TLR3: variants seen among roughly 807,000 people sequenced by gnomAD.
TLR3 encodes toll like receptor 3, also known as toll-like receptor 3.
A neutral mutation model predicts 66.4 loss-of-function variants in TLR3; 43 were observed. That is an observed-to-expected ratio of 0.65 (90% confidence interval 0.51 to 0.83). TLR3 has a LOEUF of 0.83. TLR3 is among the 40% of genes least tolerant of loss of function. TLR3 has a pLI of 0.00. For missense variants in TLR3, 982 were observed against 1,044.6 expected (o/e 0.94, Z 0.83); for synonymous variants, 397 against 397.2 (o/e 1.00, Z 0.01).
chr4:186,076,803 C>G lies in TLR3; in HGVS notation c.184C>G (p.Gln62Glu). ...NITVLNLTHN[Q>E]LRRLPAANFT... The stretch of plus-strand genomic sequence containing the variant: ...AACAGTGTTGAACCTTACCCATAAT[C>G]AACTCAGAAGATTACCAGCCGCCAA... The change falls in exon 2 of 5, where the codon CAA becomes GAA. Residue 62 changes from glutamine to glutamate, a missense_variant. Gln to Glu is a conservative substitution (Grantham distance 29). Coordinates refer to ENST00000296795, the MANE Select transcript of TLR3 (RefSeq NM_003265.3). The G allele has an allele frequency of 6.2e-7, 1 of 1,614,170 alleles. No homozygotes were observed. Among genetic ancestry groups the G allele is most frequent in the Non-Finnish European group, 8.5e-7 (1 of 1,180,042 alleles).
Position 186,086,595 on chromosome 4 carries a change from AT to A in TLR3, c.*1726del, listed in dbSNP as rs2099304405. The stretch of plus-strand genomic sequence containing the variant: ...TTTGCTTTTTAACTGTGCAATAATC[AT>A]TTTATTTTGGCATTATAAAATAAAA... On this transcript the variant is annotated 3_prime_UTR_variant, in exon 5 of 5. Coordinates refer to ENST00000296795, the MANE Select transcript of TLR3 (RefSeq NM_003265.3). 1 of 152,222 alleles carries A rather than the reference AT, an allele frequency of 6.6e-6. No individual in the cohort carries two copies. Among genetic ancestry groups the A allele is most frequent in the Non-Finnish European group, 1.5e-5 (1 of 68,036 alleles). 9.4% of individuals were successfully genotyped at this position (152,222 alleles called of 1,614,324 possible). A position where few individuals can be genotyped will look rare whatever the true frequency, so the allele number is the denominator to read the frequency against.
At position 186,076,852 on chromosome 4, in the gene TLR3, C is replaced by A. The variant is rs892938654; in HGVS notation, c.233C>A (p.Thr78Asn). 6.2e-7 allele frequency: 1 copy of A among 1,614,188 alleles called. No individual in the cohort carries two copies. The change falls in exon 2 of 5, where the codon ACT (threonine) becomes AAT (asparagine). Residue 78 changes from threonine to asparagine, a missense_variant. Thr to Asn is a moderately conservative substitution (Grantham distance 65, BLOSUM62 0). Transcript: ENST00000296795. ...AANFTRYSQLTSLDVGFNTIS... is the reference protein window; with the variant it reads ...AANFTRYSQLNSLDVGFNTIS... ...AACTTCACAAGGTATAGCCAGCTAA[C>A]TAGCTTGGATGTAGGATTTAACACC...
intron 3 of TLR3, among the ~76,000 whole-genome samples, chr4:186,081,030 A>G (rs1156366940): frequency 6.6e-6 from 1 of 152,222 alleles, no homozygotes; most frequent in Non-Finnish European, 1.5e-5. Context: ...GAAATTAAGT[A>G]TGATAAATCT....
intron 2 of TLR3, among the ~76,000 whole-genome samples, chr4:186,077,870 G>A (rs1234653757): frequency 1.3e-5 from 2 of 151,744 alleles, no homozygotes; most frequent in Non-Finnish European, 2.9e-5. Flanking sequence ...TAAATCTGAG[G>A]CAATTATTAA....
In TLR3 at chr4:186,087,355, C is replaced by T. The variant is rs749631927; in HGVS notation, c.*2482C>T. 2.0e-4 allele frequency: 31 copies of T among 152,166 alleles called. No homozygotes were observed. Among genetic ancestry groups the T allele is most frequent in the Admixed American group, 6.5e-4 (10 of 15,270 alleles). The allele number at this position is 152,166 out of a possible 1,614,324, so 9.4% of individuals were successfully genotyped here. Reference sequence around the variant, plus strand: ...TCTGACCTAGGTAGGAAGTAACATCCAGAACTTCTGCAGGCTGTCCTGTGT... The same window carrying T: ...TCTGACCTAGGTAGGAAGTAACATCTAGAACTTCTGCAGGCTGTCCTGTGT... On this transcript the variant is annotated 3_prime_UTR_variant, in exon 5 of 5. Transcript: ENST00000296795.
chr4:186,073,051 A>G (rs967941574), intron 1 of TLR3, among the ~76,000 whole-genome samples: 1 of 152,222 alleles, frequency 6.6e-6, no homozygotes, highest in Non-Finnish European at 1.5e-5. Flanking sequence ...ACTGAACTTC[A>G]AGACTTGTTG....
chr4:186,079,558 C>G (rs1369953682), intron 3 of TLR3, among the ~76,000 whole-genome samples: 1 of 152,124 alleles, frequency 6.6e-6, no homozygotes, highest in South Asian at 2.1e-4. Flanking sequence ...CCGTGTCTGG[C>G]GTAGGCAGTG....
At chr4:186,073,646 A>G (rs1209313178) in intron 1 of TLR3, among the ~76,000 whole-genome samples, 1 of 152,210 alleles carries the variant, frequency 6.6e-6, no homozygotes, top group African/African-American at 2.4e-5. Flanking sequence ...AGCTAACACC[A>G]TAAAGCTTTT....
At chr4:186,081,007 A>C (rs1355828336) in intron 3 of TLR3, among the ~76,000 whole-genome samples, 4 of 152,240 alleles carry the variant, frequency 2.6e-5, no homozygotes, top group Non-Finnish European at 4.4e-5. Flanking sequence ...TAAAATGCAA[A>C]GCAGAAAATT....
Position 186,083,558 on chromosome 4 carries a change from C to A in TLR3, c.1872C>A (p.Ser624=). The A allele has an allele frequency of 6.2e-7, 1 of 1,613,060 alleles. No individual in the cohort carries two copies. Among genetic ancestry groups the A allele is most frequent in the Non-Finnish European group, 8.5e-7 (1 of 1,179,632 alleles). Residue 624 remains serine (S), a synonymous_variant, in exon 4 of 5, where the codon TCC becomes TCA. Coordinates refer to ENST00000296795, the MANE Select transcript of TLR3 (RefSeq NM_003265.3). This position sits in a 1 kb window ranked among gnomAD's most constrained non-coding sequence, Gnocchi z 4.0. ...SLNLQKNLIT[S]VEKKVFGPAF... ...ACCTTCAGAAGAATCTCATAACATC[C>A]GTTGAGAAGAAGGTTTTCGGGCCAG...
chr4:186,071,802 C>T (rs2099301517), intron 1 of TLR3, among the ~76,000 whole-genome samples: 1 of 152,092 alleles, frequency 6.6e-6, no homozygotes, highest in Admixed American at 6.5e-5. Flanking sequence ...GGATTAGTCA[C>T]CTAAGGTGAT....
Position 186,086,267 on chromosome 4 carries a change from T to G in TLR3, c.*1394T>G, listed in dbSNP as rs943950516. ...GAATAGCTTTTTGAAATATTTATAG[T>G]TCTAGTATTTAAAGAGAAACCTGAA... is the stretch of plus-strand genomic sequence containing the variant. On this transcript the variant is annotated 3_prime_UTR_variant, in exon 5 of 5. Transcript: ENST00000296795. 6.6e-6 allele frequency: 1 copy of G among 152,194 alleles called. No homozygotes were observed. The highest frequency in any genetic ancestry group is 2.4e-5 in the African/African-American group (1 of 41,458). The allele number at this position is 152,194 out of a possible 1,614,324, so 9.4% of individuals were successfully genotyped here.
Position 186,084,164 on chromosome 4 carries a change from A to C in TLR3, c.2478A>C (p.Leu826Phe), listed in dbSNP as rs75983629. Residue 826 changes from leucine to phenylalanine, a missense_variant, in exon 4 of 5, where the codon TTA (leucine) becomes TTC (phenylalanine). Around this residue, in one of 3 missense-constraint regions of TLR3, gnomAD observed 666 missense variants for 709.0 expected, o/e 0.94. Transcript: ENST00000296795. ...VITHHLLKDP[L>F]CKRFKVHHAV... ...CACACCATCTATTAAAAGACCCATT[A>C]TGCAAAAGGTAGGTAAACATTGTGA... is the stretch of plus-strand genomic sequence containing the variant. The C allele has an allele frequency of 6.2e-7, 1 of 1,613,808 alleles. No homozygotes were observed. The highest frequency in any genetic ancestry group is 8.5e-7 in the Non-Finnish European group (1 of 1,179,854).
At position 186,083,776 on chromosome 4, in the gene TLR3, A is replaced by C; in HGVS notation, c.2090A>C (p.Lys697Thr). 1 of 1,614,058 alleles carries C rather than the reference A, an allele frequency of 6.2e-7. No homozygotes were observed. Among genetic ancestry groups the C allele is most frequent in the Non-Finnish European group, 8.5e-7 (1 of 1,180,000 alleles). Reference sequence around the variant, plus strand: ...AGACTTTTTGATACATCATCTTGCAAAGACAGTGCCCCCTTTGAACTCTTT... The same window carrying C: ...AGACTTTTTGATACATCATCTTGCACAGACAGTGCCCCCTTTGAACTCTTT... ...PVRLFDTSSC[K>T]DSAPFELFFM... Residue 697 changes from lysine (K) to threonine (T), a missense_variant, in exon 4 of 5, where the codon AAA becomes ACA. By Grantham distance (78) the Lys-to-Thr change is moderately conservative. Transcript: ENST00000296795. The surrounding 1 kb of genome is among the most constrained non-coding windows in gnomAD (Gnocchi z 4.0).
Position 186,076,766 on chromosome 4 carries a change from A to G in TLR3, c.147A>G (p.Leu49=). ...AGTTGACTCAGGTACCCGATGATCT[A>G]CCCACAAACATAACAGTGTTGAACC... ...HLKLTQVPDD[L]PTNITVLNLT... is the part of the protein sequence containing the mutation. The change falls in exon 2 of 5, where the codon CTA becomes CTG. Residue 49 remains leucine, a synonymous_variant. Coordinates refer to ENST00000296795, the MANE Select transcript of TLR3 (RefSeq NM_003265.3). 6.2e-7 allele frequency: 1 copy of G among 1,614,148 alleles called. No homozygotes were observed. The highest frequency in any genetic ancestry group is 8.5e-7 in the Non-Finnish European group (1 of 1,180,038).
rs111611328 is a variant in TLR3, at chr4:186,079,210, G to C, written c.633+179G>C. Among the ~76,000 whole-genome samples the C allele has an allele frequency of 3.9e-3, 599 of 152,216 alleles. 10 individuals are homozygous for C. Among genetic ancestry groups the C allele is most frequent in the African/African-American group, 0.014 (574 of 41,530 alleles). On this transcript the variant is annotated intron_variant, in intron 3 of 4. Transcript: ENST00000296795. Reference sequence around the variant, plus strand: ...TGAGAGCTCAGGCAGCCCCAGGAGAGGTCGGGAGACGGGACTCTGCCGCCC... The same window carrying C: ...TGAGAGCTCAGGCAGCCCCAGGAGACGTCGGGAGACGGGACTCTGCCGCCC...
chr4:186,083,083 A>G lies in TLR3; in HGVS notation c.1397A>G (p.Asn466Ser), dbSNP rs1304838791. 1 of 1,614,218 alleles carries G rather than the reference A, an allele frequency of 6.2e-7. No homozygotes were observed. Among genetic ancestry groups the G allele is most frequent in the South Asian group, 1.1e-5 (1 of 91,084 alleles). ...ENIFEIYLSY[N>S]KYLQLTRNSF... ...ATTTTCGAAATCTATCTTTCCTACA[A>G]CAAGTACCTGCAGCTGACTAGGAAC... is the stretch of plus-strand genomic sequence containing the variant. The change falls in exon 4 of 5, where the codon AAC becomes AGC. Residue 466 changes from asparagine to serine, a missense_variant. Around this residue, in one of 3 missense-constraint regions of TLR3, gnomAD observed 666 missense variants for 709.0 expected, o/e 0.94. Coordinates refer to ENST00000296795, the MANE Select transcript of TLR3 (RefSeq NM_003265.3). The surrounding 1 kb of genome is among the most constrained non-coding windows in gnomAD (Gnocchi z 4.0).
rs1238252466 is a variant in TLR3, at chr4:186,085,840, ATTTTTGTT to A, written c.*977_*984del. 1 of 152,016 alleles carries A rather than the reference ATTTTTGTT, an allele frequency of 6.6e-6. No individual in the cohort carries two copies. The highest frequency in any genetic ancestry group is 1.9e-4 in the East Asian group (1 of 5,168). 9.4% of individuals were successfully genotyped at this position (152,016 alleles called of 1,614,324 possible). On this transcript the variant is annotated 3_prime_UTR_variant, in exon 5 of 5. Coordinates refer to ENST00000296795, the MANE Select transcript of TLR3 (RefSeq NM_003265.3). ...GTCCTTATCTAGAAAGACTATTTTT[ATTTTTGTT>A]TTTTTGTTTGTTTGTTTTTTATTTG...
rs141692669 is a variant in TLR3 at position 186,076,363 on chromosome 4, T to C, written c.-7-250T>C. On this transcript the variant is annotated intron_variant, in intron 1 of 4. Coordinates refer to ENST00000296795, the MANE Select transcript of TLR3 (RefSeq NM_003265.3). ...CCTATCAAAAGAGAGACATTGCAGC[T>C]GCAACTGGCATTAAGGTGAAGGATA... Among the ~76,000 whole-genome samples the C allele has an allele frequency of 7.9e-3, 1,198 of 152,316 alleles. 20 individuals are homozygous for C. Among genetic ancestry groups the C allele is most frequent in the African/African-American group, 0.027 (1,142 of 41,576 alleles).
Sources: allele counts gnomAD v4.1 joint callset (sites outside exome capture counted in the v4.1 genomes callset), GRCh38; gene constraint gnomAD v4.1.1; regional missense constraint gnomAD v4.1.1; non-coding constraint Gnocchi (gnomAD v3.1); transcripts MANE v1.5; gene names NCBI Gene and HGNC (gene_info 2026-07-23, HGNC 2026-07-21).